MAST4: variants seen among roughly 807,000 people sequenced by gnomAD.
MAST4 encodes microtubule associated serine/threonine kinase family member 4.
In MAST4, 89 loss-of-function variants were observed where a neutral mutation model predicts 162.7. The ratio of observed to expected loss-of-function variants is 0.55; its 90% CI spans 0.46 to 0.65. MAST4 has a LOEUF of 0.65. Ranked by LOEUF, MAST4 falls within the 30% of genes least tolerant of loss-of-function variation. The pLI is 0.00. For synonymous variants in MAST4, 1,479 were observed against 1,361.1 expected (o/e 1.09, Z -1.91); for missense variants, 3,153 against 3,374.0 (o/e 0.93, Z 1.62).
intron 1 of MAST4, among the ~76,000 whole-genome samples, chr5:66,684,244 A>G (rs1278131373): frequency 6.6e-6 from 1 of 152,216 alleles, no homozygotes; most frequent in African/African-American, 2.4e-5. Flanking sequence ...CTGCATGGCC[A>G]TCCTGGCTAG....
In MAST4 at chr5:66,596,430, C is replaced by G. The variant is rs150749318; in HGVS notation, c.-226C>G. 1.2e-3 allele frequency: 551 copies of G among 440,928 alleles called. 4 individuals are homozygous for G. The highest frequency in any genetic ancestry group is 0.01 in the African/African-American group (508 of 49,240). The allele number at this position is 440,928 out of a possible 1,614,324, so 27.3% of individuals were successfully genotyped here. On this transcript the variant is annotated 5_prime_UTR_variant, in exon 1 of 29. Transcript: ENST00000403625. ...AGATCGCGGACCCGAGCGGGCATGT[C>G]CCCGCGCGCGGGAGCCTCCGTTTGC...
chr5:66,923,054 C>A (rs1317103640), intron 4 of MAST4, among the ~76,000 whole-genome samples: 2 of 152,136 alleles, frequency 1.3e-5, no homozygotes, highest in African/African-American at 4.8e-5. Flanking sequence ...CAGAAGAATT[C>A]TTTTATCTCC....
chr5:67,109,644 A>G (rs1391890679), intron 10 of MAST4, among the ~76,000 whole-genome samples: 1 of 152,186 alleles, frequency 6.6e-6, no homozygotes, highest in Non-Finnish European at 1.5e-5. Flanking sequence ...CATATTGGAT[A>G]TATGAAATAT....
At chr5:66,857,471 G>A (rs1441906247) in intron 3 of MAST4, among the ~76,000 whole-genome samples, 1 of 152,154 alleles carries the variant, frequency 6.6e-6, no homozygotes, top group Non-Finnish European at 1.5e-5. Context: ...TAACCTTAAT[G>A]GATATTGCAG....
At chr5:66,733,318 C>G (rs191622393) in intron 1 of MAST4, among the ~76,000 whole-genome samples, 1 of 148,192 alleles carries the variant, frequency 6.7e-6, no homozygotes, top group Non-Finnish European at 1.5e-5. Context: ...CTCTTCCCCC[C>G]ACCACACACA....
intron 4 of MAST4, among the ~76,000 whole-genome samples, chr5:66,996,285 AAT>A (rs373367464): frequency 2.0e-5 from 3 of 151,570 alleles, no homozygotes; most frequent in Admixed American, 6.6e-5. Flanking sequence ...ATCTCAAAAA[AAT>A]ATATATATAT....
chr5:66,799,453 A>G (rs1157160915), intron 3 of MAST4, among the ~76,000 whole-genome samples: 1 of 152,228 alleles, frequency 6.6e-6, no homozygotes, highest in African/African-American at 2.4e-5. Context: ...TAAAGAGCTC[A>G]GGAAAATGAG....
chr5:67,121,083 AT>A lies in MAST4; in HGVS notation c.1728del (p.Ser577AlafsTer22). 1 of 1,608,734 alleles carries A rather than the reference AT, an allele frequency of 6.2e-7. No homozygotes were observed. ...AAGTGATTTTGAAACGATTAAATTG[AT>A]TAGCAATGGAGCCTATGGGTGAGTA... is the stretch of plus-strand genomic sequence containing the variant. ...RESDFETIKLISNGAYGAVYF... is the reference protein window; with the variant it reads ...RESDFETIKLXSNGAYGAVYF... On this transcript the variant is annotated frameshift_variant, in exon 14 of 29. Coordinates refer to ENST00000403625, the MANE Select transcript of MAST4 (RefSeq NM_001164664.2). LOFTEE classifies it high-confidence loss of function.
In MAST4 at chr5:66,757,387, T is replaced by C. The variant is rs141481834; in HGVS notation, c.364-2322T>C. ...TAGGACTATTAAATAGTAGCTGTTA[T>C]GGAACATTTTGTTCAATGTCTATGG... On this transcript the variant is annotated intron_variant, in intron 1 of 28. Transcript: ENST00000403625. Among the ~76,000 whole-genome samples, 1,391 of 152,360 alleles carry C rather than the reference T, an allele frequency of 9.1e-3. 17 individuals are homozygous for C. Among genetic ancestry groups the C allele is most frequent in the Middle Eastern group, 0.024 (7 of 294 alleles).
At chr5:66,630,088 C>G (rs1744698883) in intron 1 of MAST4, among the ~76,000 whole-genome samples, 2 of 151,912 alleles carry the variant, frequency 1.3e-5, no homozygotes, top group East Asian at 3.9e-4. Context: ...ATTAGAGGAA[C>G]TTGGAAAAAA....
At chr5:67,050,469 C>CT (rs1304425322) in intron 4 of MAST4, among the ~76,000 whole-genome samples, 2 of 152,204 alleles carry the variant, frequency 1.3e-5, no homozygotes, top group Admixed American at 6.5e-5. Context: ...CCTCAAGGTC[C>CT]TATCATCAGA....
chr5:67,046,205 A>T, intron 4 of MAST4, among the ~76,000 whole-genome samples: 1 of 152,152 alleles, frequency 6.6e-6, no homozygotes, highest in East Asian at 1.9e-4. Context: ...AGGACAAAAT[A>T]GCCTAACGAG....
intron 4 of MAST4, among the ~76,000 whole-genome samples, chr5:67,028,872 T>C (rs1033684891): frequency 2.0e-5 from 3 of 152,122 alleles, no homozygotes; most frequent in African/African-American, 7.2e-5. Flanking sequence ...CTTATGCCTG[T>C]AATCCCAGCA....
intron 21 of MAST4, 53 bp from the exon 22 acceptor site, chr5:67,144,616 C>T: frequency 1.3e-6 from 2 of 1,581,854 alleles, no homozygotes; most frequent in Admixed American, 1.7e-5. Context: ...GAGTGTTTTT[C>T]TGACAAACTC....
At chr5:66,679,672 T>C (rs999842424) in intron 1 of MAST4, among the ~76,000 whole-genome samples, 4 of 152,090 alleles carry the variant, frequency 2.6e-5, no homozygotes, top group Non-Finnish European at 4.4e-5. Context: ...ATTCCAATGA[T>C]TCTAAAGAGG....
At chr5:67,086,500 C>T (rs1391041818) in intron 5 of MAST4, among the ~76,000 whole-genome samples, 2 of 152,166 alleles carry the variant, frequency 1.3e-5, no homozygotes, top group African/African-American at 4.8e-5. Context: ...CATGCTAGTT[C>T]CCCAGGGGGA....
At position 67,149,433 on chromosome 5, in the gene MAST4, G is replaced by A. The variant is rs751523836; in HGVS notation, c.3139G>A (p.Glu1047Lys). The change falls in exon 24 of 29, where the codon GAG (glutamate) becomes AAG (lysine). Residue 1047 changes from glutamate (E) to lysine (K), a missense_variant. By Grantham distance (56) the Glu-to-Lys change is moderately conservative. This residue lies in a region of MAST4 where 619 missense variants were observed against 744.2 expected (regional missense o/e 0.83). Coordinates refer to ENST00000403625, the MANE Select transcript of MAST4 (RefSeq NM_001164664.2). ...CTTGGATCAGATAAATGGACGAAGC[G>A]AGTGTGTGGACAGTACAGATAATTC... ...EHLDQINGRS[E>K]CVDSTDNSSK... 3.3e-5 allele frequency: 53 copies of A among 1,613,570 alleles called. No homozygotes were observed. The highest frequency in any genetic ancestry group is 1.7e-4 in the Middle Eastern group (1 of 6,060).
chr5:66,924,622 T>G (rs985635190), intron 4 of MAST4, among the ~76,000 whole-genome samples: 4 of 152,250 alleles, frequency 2.6e-5, no homozygotes, highest in Admixed American at 6.5e-5. Context: ...TTTGATCTCC[T>G]GACCTCGTGA....
At chr5:66,902,837 G>T in intron 4 of MAST4, 1 of 359,404 alleles carries the variant, frequency 2.8e-6, no homozygotes, top group Non-Finnish European at 5.5e-6. Context: ...CATTTGCCAA[G>T]GCTTCTTCTG....
Sources: gnomAD v4.1 joint callset for allele counts (sites outside exome capture counted in the v4.1 genomes callset) on GRCh38, gnomAD v4.1.1 for gene constraint, gnomAD v4.1.1 regional missense constraint, MANE v1.5 for transcripts, NCBI Gene and HGNC (gene_info 2026-07-23, HGNC 2026-07-21) for gene names.